CLMP: variants seen among roughly 807,000 people sequenced by gnomAD.
The protein encoded by CLMP is CXADR-like membrane protein.
In CLMP, 27 loss-of-function variants were observed where a neutral mutation model predicts 45.2. The ratio of observed to expected loss-of-function variants is 0.60; its 90% CI spans 0.44 to 0.82. The LOEUF is 0.82. Among genes scored for constraint, CLMP ranks in the 40% least tolerant of loss-of-function variants. The probability of loss-of-function intolerance (pLI) is 0.00; values close to 1 mark genes in which losing one functional copy is unlikely to be tolerated. For synonymous variants in CLMP, 167 were observed against 171.4 expected, an observed-to-expected ratio of 0.97 and a Z score of 0.20; for missense variants, 403 against 448.4, an observed-to-expected ratio of 0.90 and a Z score of 0.91.
At chr11:123,121,126 CAAAAAAA>C (rs760887619) in intron 1 of CLMP, among the ~76,000 whole-genome samples, 1 of 65,338 alleles carries the variant, frequency 1.5e-5, no homozygotes, top group Non-Finnish European at 3.2e-5. Context: ...GACTCCGTCT[CAAAAAAA>C]AAAAAAAAAA....
At chr11:123,100,472 C>T (rs1054125052) in intron 1 of CLMP, among the ~76,000 whole-genome samples, 1 of 151,430 alleles carries the variant, frequency 6.6e-6, no homozygotes, top group Admixed American at 6.6e-5. Context: ...GCCAGGAGTA[C>T]GATGTGTTTT....
chr11:123,127,351 A>G (rs1185973459), intron 1 of CLMP, among the ~76,000 whole-genome samples: 2 of 152,080 alleles, frequency 1.3e-5, no homozygotes, highest in African/African-American at 2.4e-5. Flanking sequence ...CGAACTCCTA[A>G]CCTCAAGTGA....
intron 1 of CLMP, among the ~76,000 whole-genome samples, chr11:123,142,667 C>T (rs535215913): frequency 2.3e-5 from 3 of 131,666 alleles, no homozygotes; most frequent in Non-Finnish European, 4.7e-5. Flanking sequence ...GTGCCCAGGC[C>T]GGACTGCGGA....
chr11:123,110,580 C>T (rs534565105), intron 1 of CLMP, among the ~76,000 whole-genome samples: 27 of 152,054 alleles, frequency 1.8e-4, no homozygotes, highest in East Asian at 1.2e-3. Context: ...GATCACAACA[C>T]GGCACTCCAG....
At chr11:123,148,735 C>T (rs1565396850) in intron 1 of CLMP, among the ~76,000 whole-genome samples, 1 of 152,198 alleles carries the variant, frequency 6.6e-6, no homozygotes, top group African/African-American at 2.4e-5. Context: ...CTCATCTGTA[C>T]CTGCCTAACA....
intron 1 of CLMP, among the ~76,000 whole-genome samples, chr11:123,101,749 T>C (rs748796356): frequency 9.9e-5 from 15 of 152,204 alleles, no homozygotes; most frequent in Non-Finnish European, 2.1e-4. Context: ...TAGGTTACAG[T>C]TTAAATGATA....
Position 123,084,654 on chromosome 11 carries a change from T to C in CLMP, c.246A>G (p.Arg82=). 6.2e-7 allele frequency: 1 copy of C among 1,614,210 alleles called. No homozygotes were observed. The highest frequency in any genetic ancestry group is 8.5e-7 in the Non-Finnish European group (1 of 1,180,026). Residue 82 remains arginine (R), a synonymous_variant, in exon 3 of 7, where the codon CGA becomes CGG. Coordinates refer to ENST00000448775, the MANE Select transcript of CLMP (RefSeq NM_024769.5). ...YNNLTEEQKG[R]VAFASNFLAG... ...CCAGGAAATTGGAAGCAAAGGCCAC[T>C]CGGCCCTTCTGTTCCTCAGTCAAGT...
chr11:123,119,957 A>G (rs1860790480), intron 1 of CLMP, among the ~76,000 whole-genome samples: 1 of 152,126 alleles, frequency 6.6e-6, no homozygotes, highest in African/African-American at 2.4e-5. Flanking sequence ...AAACTGCTGG[A>G]ATTACAGGTG....
chr11:123,135,660 T>C lies in CLMP; in HGVS notation c.29-37708A>G, dbSNP rs1274590282. Among the ~76,000 whole-genome samples the C allele has an allele frequency of 2.6e-5, 4 of 152,222 alleles. No individual in the cohort carries two copies. The East Asian group carries it at 7.7e-4, about 29-fold the overall frequency. ...TCTGCATATCTAAATCCAATGGTGA[T>C]ATTTTATAGGCTAATTTCTAAACAG... On this transcript the variant is annotated intron_variant, in intron 1 of 6. Transcript: ENST00000448775.
At chr11:123,118,683 C>T (rs1456562212) in intron 1 of CLMP, among the ~76,000 whole-genome samples, 3 of 152,058 alleles carry the variant, frequency 2.0e-5, no homozygotes, top group South Asian at 2.1e-4. Flanking sequence ...AATTTGGCTC[C>T]GACACCCAGT....
chr11:123,189,689 T>C (rs1273540643), intron 1 of CLMP, among the ~76,000 whole-genome samples: 2 of 152,180 alleles, frequency 1.3e-5, no homozygotes, highest in Non-Finnish European at 2.9e-5. Context: ...ATGCTTTATA[T>C]GCACATTTTG....
intron 1 of CLMP, among the ~76,000 whole-genome samples, chr11:123,163,599 C>T (rs1257824547): frequency 6.6e-6 from 1 of 152,188 alleles, no homozygotes; most frequent in African/African-American, 2.4e-5. Context: ...CACCCAGATC[C>T]CTACTAAATC....
At chr11:123,110,988 A>C (rs1000483994) in intron 1 of CLMP, among the ~76,000 whole-genome samples, 1 of 152,178 alleles carries the variant, frequency 6.6e-6, no homozygotes, top group South Asian at 2.1e-4. Context: ...TAACTATAAT[A>C]TTCTATGAAC....
intron 1 of CLMP, among the ~76,000 whole-genome samples, chr11:123,123,488 C>T (rs2135501964): frequency 6.6e-6 from 1 of 152,158 alleles, no homozygotes; most frequent in Middle Eastern, 3.4e-3. Context: ...GAACTGCTGG[C>T]CTCAAGTGAT....
intron 1 of CLMP, among the ~76,000 whole-genome samples, chr11:123,150,593 G>T (rs1460719736): frequency 2.8e-5 from 4 of 140,806 alleles, no homozygotes; most frequent in Non-Finnish European, 4.6e-5. Flanking sequence ...AAGGAAGGAA[G>T]GAAGGAAGGA....
At chr11:123,139,267 A>G (rs4475932) in intron 1 of CLMP, among the ~76,000 whole-genome samples, 54,070 of 151,186 alleles carry the variant, frequency 0.36, 10,648 homozygotes, top group African/African-American at 0.53. Flanking sequence ...TTCCTATTGA[A>G]TTGAAAACTA....
In CLMP at chr11:123,084,543, GT is replaced by G. The variant is rs1865842201; in HGVS notation, c.356del (p.Tyr119SerfsTer8). Reference sequence around the variant, plus strand: ...CTTTTAAGATGACATGGCTCCACACGTAGCGCCCTGAATTCTTAACCTTACA... The same window carrying G: ...CTTTTAAGATGACATGGCTCCACACGAGCGCCCTGAATTCTTAACCTTACA... ...YTCKVKNSGR[Y>X]VWSHVILKVL... On this transcript the variant is annotated frameshift_variant, in exon 3 of 7. Transcript: ENST00000448775. LOFTEE classifies it high-confidence loss of function. The G allele has an allele frequency of 6.2e-7, 1 of 1,613,974 alleles. No homozygotes were observed. The highest frequency in any genetic ancestry group is 1.3e-5 in the African/African-American group (1 of 74,892).
chr11:123,148,883 A>C (rs1336647749), intron 1 of CLMP, among the ~76,000 whole-genome samples: 1 of 152,184 alleles, frequency 6.6e-6, no homozygotes, highest in Non-Finnish European at 1.5e-5. Flanking sequence ...GGTGTGCCTA[A>C]TGCCTCGGCT....
At chr11:123,120,881 C>T (rs945960104) in intron 1 of CLMP, among the ~76,000 whole-genome samples, 1 of 152,066 alleles carries the variant, frequency 6.6e-6, no homozygotes, top group African/African-American at 2.4e-5. Context: ...AATCCCAGCA[C>T]TTTGGGAGGC....
Sources: allele counts gnomAD v4.1 joint callset (sites outside exome capture counted in the v4.1 genomes callset), GRCh38; gene constraint gnomAD v4.1.1; transcripts MANE v1.5; gene names NCBI Gene and HGNC (gene_info 2026-07-23, HGNC 2026-07-21).